Variants in CHTF8 observed in about 807,000 individuals in gnomAD.
The protein encoded by CHTF8 is chromosome transmission fidelity factor 8, also known as chromosome transmission fidelity protein 8 homolog.
In CHTF8, 6 loss-of-function variants were observed where a neutral mutation model predicts 11.0. The ratio of observed to expected loss-of-function variants is 0.55; its 90% confidence interval spans 0.30 to 1.08. CHTF8 has a LOEUF of 1.08. Ranked by LOEUF, CHTF8 falls within the 50% of genes least tolerant of loss-of-function variation. CHTF8 has a pLI of 0.07. For missense variants in CHTF8, 140 were observed against 153.1 expected (o/e 0.91, Z 0.45); for synonymous variants, 53 against 60.5 (o/e 0.88, Z 0.57).
chr16:69,127,889 C>T (rs1043971235), intron 1 of CHTF8, among the ~76,000 whole-genome samples: 9 of 151,676 alleles, frequency 5.9e-5, no homozygotes, highest in African/African-American at 1.7e-4. Flanking sequence ...GGATTACAGG[C>T]GTGAACCACC....
chr16:69,121,282 G>A, intron 2 of CHTF8, 112 bp from the exon 3 acceptor site: 1 of 1,270,372 alleles, frequency 7.9e-7, no homozygotes, highest in Non-Finnish European at 1.1e-6. Flanking sequence ...TCAAGTTCTT[G>A]GGAAATTGGG....
chr16:69,123,197 C>T (rs529032634), intron 1 of CHTF8, among the ~76,000 whole-genome samples: 15 of 152,288 alleles, frequency 9.8e-5, no homozygotes, highest in Middle Eastern at 3.4e-3. Context: ...GTTGGGATTA[C>T]AGATGTGAGG....
At chr16:69,123,969 T>G (rs952817516) in intron 1 of CHTF8, among the ~76,000 whole-genome samples, 1 of 146,646 alleles carries the variant, frequency 6.8e-6, no homozygotes, top group Non-Finnish European at 1.5e-5. Flanking sequence ...CTGGGTGTGG[T>G]GGCGCACGCC....
intron 1 of CHTF8, among the ~76,000 whole-genome samples, chr16:69,122,863 G>A (rs144620957): frequency 0.018 from 2,703 of 151,762 alleles, 84 homozygotes; most frequent in African/African-American, 0.062. Flanking sequence ...ATTTTTAGTA[G>A]AGATGGGGTT....
chr16:69,131,488 AC>A (rs1299223016), intron 1 of CHTF8: 1 of 27,020 alleles, frequency 3.7e-5, no homozygotes, highest in Admixed American at 2.8e-4. Flanking sequence ...CCTCCCACCC[AC>A]CCCCATCTTC....
chr16:69,121,182 G>C lies in CHTF8; in HGVS notation c.24-12C>G, dbSNP rs1961626693. ...CTCCAGCCCTCGCACTGCAAGCAAA[G>C]GGCTGGCGGTTACAATATTTTTGAG... On this transcript the variant is annotated splice_polypyrimidine_tract_variant and intron_variant, in intron 2 of 3. Transcript: ENST00000448552. The C allele has an allele frequency of 1.9e-6, 3 of 1,607,992 alleles. No homozygotes were observed. Among genetic ancestry groups the C allele is most frequent in the South Asian group, 2.2e-5 (2 of 90,910 alleles).
chr16:69,119,104 G>A lies in CHTF8; in HGVS notation c.*1321C>T, dbSNP rs542501810. On this transcript the variant is annotated 3_prime_UTR_variant, in exon 4 of 4. Transcript: ENST00000448552. ...GCCCAGATGCCCGGCAGCTGGCCTGGGGAAAGTAACTTGACCAGGGCCTAA... is the reference window on the plus strand; with the variant it reads ...GCCCAGATGCCCGGCAGCTGGCCTGAGGAAAGTAACTTGACCAGGGCCTAA... 2 of 702,930 alleles carry A rather than the reference G, an allele frequency of 2.8e-6. No homozygotes were observed. Among genetic ancestry groups the A allele is most frequent in the Admixed American group, 2.0e-5 (1 of 50,008 alleles). 43.5% of individuals were successfully genotyped at this position (702,930 alleles called of 1,614,324 possible).
chr16:69,128,069 C>T (rs1187261401), intron 1 of CHTF8, among the ~76,000 whole-genome samples: 4 of 152,106 alleles, frequency 2.6e-5, no homozygotes, highest in African/African-American at 7.2e-5. Context: ...CACCTGCCAC[C>T]GCGCCTTGCT....
Position 69,118,623 on chromosome 16 carries a change from G to A in CHTF8, c.*1802C>T, listed in dbSNP as rs905886914. On this transcript the variant is annotated 3_prime_UTR_variant, in exon 4 of 4. Coordinates refer to ENST00000448552, the MANE Select transcript of CHTF8 (RefSeq NM_001039690.5). ...CACAGCAGGCTTCTGGGAGGCTGGA[G>A]ATCCTTTCTCTCAAGGGCAGGATTA... is the stretch of plus-strand genomic sequence containing the variant. 3.3e-5 allele frequency: 23 copies of A among 704,650 alleles called. No individual in the cohort carries two copies. Among genetic ancestry groups the A allele is most frequent in the Admixed American group, 6.0e-5 (3 of 49,946 alleles). The allele number at this position is 704,650 out of a possible 1,614,324, so 43.6% of individuals were successfully genotyped here.
intron 1 of CHTF8, among the ~76,000 whole-genome samples, chr16:69,122,387 T>C (rs34871720): frequency 6.6e-6 from 1 of 152,048 alleles, no homozygotes; most frequent in Admixed American, 6.5e-5. Flanking sequence ...TTTTTCTTTT[T>C]CTTGAGACCA....
intron 1 of CHTF8, among the ~76,000 whole-genome samples, chr16:69,123,519 T>G (rs894716091): frequency 6.6e-6 from 1 of 151,906 alleles, no homozygotes; most frequent in African/African-American, 2.4e-5. Flanking sequence ...TAGCTGGGTG[T>G]GGTGGCAGGC....
At chr16:69,125,152 C>T (rs545834345) in intron 1 of CHTF8, among the ~76,000 whole-genome samples, 99 of 152,254 alleles carry the variant, frequency 6.5e-4, no homozygotes, top group African/African-American at 2.3e-3. Flanking sequence ...GATACGCCCG[C>T]GTTGCCCTCC....
intron 1 of CHTF8, 136 bp from the exon 2 acceptor site, chr16:69,121,629 C>G (rs1961672211): frequency 1.8e-6 from 1 of 552,770 alleles, no homozygotes; most frequent in Non-Finnish European, 3.3e-6. Flanking sequence ...AGGCACCCAC[C>G]ACTATGGCCA....
At chr16:69,127,890 G>A (rs1056135990) in intron 1 of CHTF8, among the ~76,000 whole-genome samples, 2 of 151,574 alleles carry the variant, frequency 1.3e-5, no homozygotes, top group Admixed American at 6.6e-5. Flanking sequence ...GATTACAGGC[G>A]TGAACCACCG....
At chr16:69,131,916 C>A (rs1053729824) in intron 1 of CHTF8, among the ~76,000 whole-genome samples, 1 of 152,020 alleles carries the variant, frequency 6.6e-6, no homozygotes, top group Non-Finnish European at 1.5e-5. Context: ...AAGCCTCCCC[C>A]CTCCACGATT....
intron 1 of CHTF8, among the ~76,000 whole-genome samples, chr16:69,121,897 C>T (rs972746007): frequency 3.9e-5 from 6 of 152,188 alleles, no homozygotes; most frequent in Admixed American, 2.0e-4. Flanking sequence ...TCTCGATCTC[C>T]TGACCTCGTG....
intron 1 of CHTF8, among the ~76,000 whole-genome samples, chr16:69,130,926 T>C (rs1287110444): frequency 1.3e-5 from 2 of 152,168 alleles, no homozygotes; most frequent in Non-Finnish European, 2.9e-5. Context: ...GGAAGGTAAT[T>C]TCTCTAAATA....
chr16:69,129,621 G>T (rs530246861), intron 1 of CHTF8, among the ~76,000 whole-genome samples: 1 of 152,194 alleles, frequency 6.6e-6, no homozygotes, highest in Admixed American at 6.5e-5. Context: ...AGGCTTAGAG[G>T]AGCTAAATGT....
At chr16:69,122,433 C>T (rs1006879301) in intron 1 of CHTF8, among the ~76,000 whole-genome samples, 6 of 151,116 alleles carry the variant, frequency 4.0e-5, no homozygotes, top group East Asian at 3.9e-4. Flanking sequence ...AGCGCAGTGG[C>T]GCCATCTCGG....
Sources: allele counts gnomAD v4.1 joint callset (sites outside exome capture counted in the v4.1 genomes callset), GRCh38; gene constraint gnomAD v4.1.1; transcripts MANE v1.5; gene names NCBI Gene and HGNC (gene_info 2026-07-23, HGNC 2026-07-21).